The following POLA1 variants were observed in gnomAD, a reference collection of about 807,000 sequenced individuals.
POLA1 encodes DNA polymerase alpha catalytic subunit.
In POLA1, 15 loss-of-function variants were observed where a neutral mutation model predicts 124.0. The observed-to-expected ratio is 0.12, with a 90% CI of 0.08 to 0.19. The LOEUF is 0.19. Ranked by LOEUF, POLA1 falls within the 10% of genes least tolerant of loss-of-function variation. The pLI, the probability that POLA1 is intolerant of heterozygous loss-of-function variation, is 1.00. For synonymous variants in POLA1, 408 were observed against 389.4 expected (o/e 1.05, Z -0.56); for missense variants, 886 against 1,103.4 (o/e 0.80, Z 2.79).
chrX:24,955,238 A>G (rs1248469339), intron 36 of POLA1, among the ~76,000 whole-genome samples: 2 of 104,208 alleles, frequency 1.9e-5, no homozygotes, highest in Non-Finnish European at 3.9e-5. Flanking sequence ...AGCACTGCTC[A>G]CTGCAGCTTC....
At chrX:24,828,228 C>T (rs1253120247) in intron 32 of POLA1, among the ~76,000 whole-genome samples, 4 of 112,679 alleles carry the variant, frequency 3.5e-5, no homozygotes, top group Non-Finnish European at 5.6e-5. Flanking sequence ...AGCGTTTGCT[C>T]TGTTGGATAC....
At chrX:24,929,867 G>A in intron 35 of POLA1, among the ~76,000 whole-genome samples, 1 of 111,549 alleles carries the variant, frequency 9.0e-6, no homozygotes. Context: ...TTTGACATGG[G>A]TGGGATGAAA....
chrX:24,844,201 A>C (rs2046445579), intron 34 of POLA1, among the ~76,000 whole-genome samples: 1 of 111,978 alleles, frequency 8.9e-6, no homozygotes, highest in Non-Finnish European at 1.9e-5. Context: ...TTTTTCTGGC[A>C]TTCAAAAGAG....
rs1301083848 is a variant in POLA1 at position 24,916,287 on chromosome X, C to CTTTTTTTTTTTTT, written c.4165-14164_4165-14152dup. 1.4e-4 allele frequency among the ~76,000 whole-genome samples: 13 copies of CTTTTTTTTTTTTT among 95,151 alleles called. 1 individual carries two copies. Among genetic ancestry groups the CTTTTTTTTTTTTT allele is most frequent in the African/African-American group, 5.2e-4 (13 of 24,768 alleles). 82.6% of individuals were successfully genotyped at this position (95,151 alleles called of 115,157 possible). ...CCTGAGAACTTTTTTTTTCTTTTTTCTTTTTTTTTTTTTTGAGGCAGTCTC... is the reference window on the plus strand; with the variant it reads ...CCTGAGAACTTTTTTTTTCTTTTTTCTTTTTTTTTTTTTTTTTTTTTTTTTTTGAGGCAGTCTC... On this transcript the variant is annotated intron_variant, in intron 35 of 36. Transcript: ENST00000379068.
chrX:24,949,517 GT>G (rs1170967554), intron 36 of POLA1, among the ~76,000 whole-genome samples: 53 of 92,275 alleles, frequency 5.7e-4, no homozygotes, highest in Non-Finnish European at 8.6e-4. Flanking sequence ...CTTGAGGCAT[GT>G]TTTTTTTTTC....
chrX:24,884,784 G>T (rs2047044719), intron 34 of POLA1, among the ~76,000 whole-genome samples: 1 of 112,028 alleles, frequency 8.9e-6, no homozygotes, highest in Non-Finnish European at 1.9e-5. Flanking sequence ...TTTGTAAAGG[G>T]AGATTAACAG....
chrX:24,945,780 G>T (rs1448234551), intron 36 of POLA1, among the ~76,000 whole-genome samples: 1 of 110,869 alleles, frequency 9.0e-6, no homozygotes, highest in African/African-American at 3.3e-5. Context: ...CTTTGATATA[G>T]AAAGGGAGAC....
chrX:24,743,181 T>C, intron 22 of POLA1, 49 bp from the exon 23 acceptor site: 1 of 626,505 alleles, frequency 1.6e-6, no homozygotes, highest in Non-Finnish European at 2.5e-6. Flanking sequence ...AATTTTAAAT[T>C]AGTTAATTAG....
intron 35 of POLA1, among the ~76,000 whole-genome samples, chrX:24,914,392 T>C (rs1246605127): frequency 9.0e-6 from 1 of 110,980 alleles, no homozygotes; most frequent in Non-Finnish European, 1.9e-5. Context: ...TAAATGTCAC[T>C]GGGAGCCCCT....
At chrX:24,951,751 A>T (rs1285361385) in intron 36 of POLA1, among the ~76,000 whole-genome samples, 1 of 111,746 alleles carries the variant, frequency 8.9e-6, no homozygotes, top group Admixed American at 9.5e-5. Context: ...TCTTGCCTTT[A>T]TTCAGACTTC....
intron 26 of POLA1, among the ~76,000 whole-genome samples, chrX:24,754,291 C>G (rs1932478923): frequency 9.3e-6 from 1 of 108,047 alleles, no homozygotes; most frequent in Non-Finnish European, 1.9e-5. Flanking sequence ...GAGTTTCACT[C>G]TTGTTGCCTA....
chrX:24,879,642 C>T (rs1338828026), intron 34 of POLA1, among the ~76,000 whole-genome samples: 1 of 111,630 alleles, frequency 9.0e-6, no homozygotes, highest in South Asian at 3.8e-4. Context: ...GTACTGTGTA[C>T]TTAGTTGTGA....
chrX:24,905,502 T>C (rs1355147589), intron 35 of POLA1, among the ~76,000 whole-genome samples: 1 of 104,584 alleles, frequency 9.6e-6, no homozygotes, highest in Non-Finnish European at 1.9e-5. Context: ...AATTATATGA[T>C]AAAGACTTTA....
chrX:24,971,318 G>T (rs919884235), intron 36 of POLA1, among the ~76,000 whole-genome samples: 1 of 112,344 alleles, frequency 8.9e-6, no homozygotes, highest in East Asian at 2.8e-4. Flanking sequence ...CCTGCTTTCA[G>T]TGCAGACTGT....
chrX:24,743,802 A>G (rs1405656701), intron 23 of POLA1, among the ~76,000 whole-genome samples: 1 of 112,362 alleles, frequency 8.9e-6, no homozygotes, highest in Non-Finnish European at 1.9e-5. Flanking sequence ...CACCAAATTT[A>G]ACTTTAATAG....
intron 26 of POLA1, among the ~76,000 whole-genome samples, chrX:24,784,252 C>T (rs1269093903): frequency 4.7e-5 from 5 of 107,435 alleles, no homozygotes; most frequent in Admixed American, 4.0e-4. Context: ...GGGATTTCAC[C>T]ATGTTGGCCA....
chrX:24,991,111 G>A (rs1326908347), intron 36 of POLA1, among the ~76,000 whole-genome samples: 1 of 109,480 alleles, frequency 9.1e-6, no homozygotes, highest in Non-Finnish European at 1.9e-5. Flanking sequence ...CCCCTCTTTC[G>A]TTTGATCTTC....
intron 26 of POLA1, 56 bp downstream of exon 26, chrX:24,749,048 A>G: frequency 1.0e-6 from 1 of 974,954 alleles, no homozygotes; most frequent in South Asian, 2.0e-5. Flanking sequence ...TTAACTATAC[A>G]TGTTATAGTG....
At position 24,855,779 on chromosome X, in the gene POLA1, T is replaced by C. The variant is rs747378204; in HGVS notation, c.4047+12102T>C. On this transcript the variant is annotated intron_variant, in intron 34 of 36. Transcript: ENST00000379068. Reference sequence around the variant, plus strand: ...ACTAGGGGTGGGGGGCAGTGTTCCATGTATACCAAAACCCGTGCATACTGA... The same window carrying C: ...ACTAGGGGTGGGGGGCAGTGTTCCACGTATACCAAAACCCGTGCATACTGA... Among the ~76,000 whole-genome samples the C allele has an allele frequency of 9.9e-5, 11 of 111,279 alleles. No homozygotes were observed. In the South Asian group the frequency reaches 4.2e-3, roughly 43 times the overall value.
Sources: allele counts gnomAD v4.1 joint callset (sites outside exome capture counted in the v4.1 genomes callset), GRCh38; gene constraint gnomAD v4.1.1; transcripts MANE v1.5; gene names NCBI Gene and HGNC (gene_info 2026-07-23, HGNC 2026-07-21).